Variants in RGPD2 observed in about 807,000 individuals in gnomAD.
RGPD2 encodes RANBP2 like and GRIP domain containing 2.
Under a neutral mutation model 36.0 loss-of-function variants are expected in RGPD2, and 2 were observed. The ratio of observed to expected loss-of-function variants is 0.06; its 90% CI spans 0.02 to 0.17. RGPD2 has a LOEUF of 0.17. Among genes scored for constraint, RGPD2 ranks in the 10% least tolerant of loss-of-function variants. The pLI is 1.00. For missense variants in RGPD2, 40 were observed against 464.3 expected, an observed-to-expected ratio of 0.09 and a Z score of 8.40; for synonymous variants, 19 against 163.8, an observed-to-expected ratio of 0.12 and a Z score of 6.75.
At chr2:87,919,402 G>GAATTAAAT in the RGPD2 span, among the ~76,000 whole-genome samples, 2 of 151,782 alleles carry the variant, frequency 1.3e-5, no homozygotes, top group African/African-American at 2.4e-5. Flanking sequence ...TACACTATGG[G>GAATTAAAT]TACATCTGAT....
At chr2:87,839,470 C>T in the RGPD2 span, among the ~76,000 whole-genome samples, 2 of 152,004 alleles carry the variant, frequency 1.3e-5, no homozygotes, top group Non-Finnish European at 2.9e-5. Flanking sequence ...AACGTAAAGA[C>T]ACATGCACTC....
the RGPD2 span, among the ~76,000 whole-genome samples, chr2:87,921,302 A>G: frequency 6.6e-6 from 1 of 152,168 alleles, no homozygotes; most frequent in African/African-American, 2.4e-5. Context: ...GGAAGCTTTT[A>G]AAAATTACCA....
the RGPD2 span, among the ~76,000 whole-genome samples, chr2:87,922,021 C>T: frequency 2.6e-5 from 4 of 150,948 alleles, no homozygotes; most frequent in African/African-American, 9.9e-5. Flanking sequence ...AGGCCCGGCA[C>T]GGTGGCTCAC....
chr2:87,933,462 C>T, the RGPD2 span, among the ~76,000 whole-genome samples: 3 of 140,006 alleles, frequency 2.1e-5, no homozygotes, highest in African/African-American at 8.0e-5. Flanking sequence ...GACATAGTCC[C>T]TGTCCTCAGG....
At chr2:87,824,744 C>T (rs1474980924) in intron 1 of RGPD2, among the ~76,000 whole-genome samples, 4 of 100,466 alleles carry the variant, frequency 4.0e-5, no homozygotes, top group Non-Finnish European at 8.8e-5. Flanking sequence ...CAGGCCGAGG[C>T]CGCCGCCGCC....
chr2:87,906,910 ACCTTGTCTC>A, the RGPD2 span, among the ~76,000 whole-genome samples: 1 of 140,694 alleles, frequency 7.1e-6, no homozygotes, highest in Non-Finnish European at 1.5e-5. Context: ...ACAGAGTGAG[ACCTTGTCTC>A]AAAAAATAAA....
the RGPD2 span, among the ~76,000 whole-genome samples, chr2:87,846,200 T>C: frequency 6.6e-6 from 1 of 151,864 alleles, no homozygotes; most frequent in Admixed American, 6.6e-5. Flanking sequence ...TCACATACCA[T>C]ACAATTCACT....
At chr2:87,845,797 T>C in the RGPD2 span, among the ~76,000 whole-genome samples, 1 of 152,114 alleles carries the variant, frequency 6.6e-6, no homozygotes, top group Non-Finnish European at 1.5e-5. Flanking sequence ...TTTTTAATAT[T>C]TTCCATTGTC....
the RGPD2 span, among the ~76,000 whole-genome samples, chr2:87,897,792 C>T: frequency 4.0e-5 from 6 of 151,790 alleles, no homozygotes; most frequent in Middle Eastern, 3.4e-3. Flanking sequence ...TACAAAATAA[C>T]TTATCTCAAG....
At chr2:87,919,755 A>G in the RGPD2 span, among the ~76,000 whole-genome samples, 2 of 149,046 alleles carry the variant, frequency 1.3e-5, no homozygotes, top group Non-Finnish European at 3.0e-5. Context: ...TCTAGCAATT[A>G]GCAAACATCT....
the RGPD2 span, among the ~76,000 whole-genome samples, chr2:87,884,288 C>G: frequency 6.6e-6 from 1 of 151,794 alleles, no homozygotes; most frequent in Non-Finnish European, 1.5e-5. Context: ...TTATGGGATG[C>G]AGCAAAAGTA....
At chr2:87,987,971 G>A in the RGPD2 span, among the ~76,000 whole-genome samples, 12 of 146,364 alleles carry the variant, frequency 8.2e-5, no homozygotes, top group East Asian at 2.1e-3. Context: ...TAGGTACCTG[G>A]CCTTGTGATT....
chr2:87,864,254 A>G, the RGPD2 span, among the ~76,000 whole-genome samples: 1 of 152,406 alleles, frequency 6.6e-6, no homozygotes, highest in East Asian at 1.9e-4. Flanking sequence ...AAAAAGGCAG[A>G]GAAAGGGTGA....
At chr2:87,961,650 TGAG>T in the RGPD2 span, among the ~76,000 whole-genome samples, 1 of 127,378 alleles carries the variant, frequency 7.9e-6, no homozygotes, top group Admixed American at 8.7e-5. Context: ...TGCAGTGAGC[TGAG>T]ATCGCGCCAC....
At chr2:87,884,211 ATAAAC>A in the RGPD2 span, among the ~76,000 whole-genome samples, 1 of 152,024 alleles carries the variant, frequency 6.6e-6, no homozygotes, top group Non-Finnish European at 1.5e-5. Flanking sequence ...TAGTCAAAGA[ATAAAC>A]TAAACAGGAA....
chr2:87,847,204 C>T, the RGPD2 span, among the ~76,000 whole-genome samples: 3 of 151,926 alleles, frequency 2.0e-5, no homozygotes, highest in South Asian at 2.1e-4. Flanking sequence ...GCATGTTAAG[C>T]GTAAAACCTT....
At chr2:87,771,393 T>TTTG (rs1553425282) in intron 22 of RGPD2, 1 of 17,034 alleles carries the variant, frequency 5.9e-5, no homozygotes, top group African/African-American at 2.4e-4. Context: ...GTTTTTTTTT[T>TTTG]TTTTTTTTTT....
chr2:87,888,290 T>G, the RGPD2 span, among the ~76,000 whole-genome samples: 1 of 151,820 alleles, frequency 6.6e-6, no homozygotes, highest in African/African-American at 2.4e-5. Flanking sequence ...TTAACGATGC[T>G]GCTATTAAAA....
chr2:87,877,495 A>T, the RGPD2 span, among the ~76,000 whole-genome samples: 1 of 152,124 alleles, frequency 6.6e-6, no homozygotes, highest in Admixed American at 6.5e-5. Flanking sequence ...TTCTGGGTTG[A>T]AAATTCTTTT....
Sources: gnomAD v4.1 joint callset for allele counts (sites outside exome capture counted in the v4.1 genomes callset) on GRCh38, gnomAD v4.1.1 for gene constraint, MANE v1.5 for transcripts, NCBI Gene and HGNC (gene_info 2026-07-23, HGNC 2026-07-21) for gene names.